PCDHGB7: variants seen among roughly 807,000 people sequenced by gnomAD.
PCDHGB7 encodes the protein protocadherin gamma subfamily B, 7.
A neutral mutation model predicts 61.4 loss-of-function variants in PCDHGB7; 37 were observed. That is an observed-to-expected ratio of 0.60 (90% CI 0.46 to 0.79). The LOEUF (loss-of-function observed/expected upper bound fraction) is 0.79. Among genes scored for constraint, PCDHGB7 ranks in the 30% least tolerant of loss-of-function variants. The pLI, the probability that PCDHGB7 is intolerant of heterozygous loss-of-function variation, is 0.00. For missense variants in PCDHGB7, 1,166 were observed against 1,202.5 expected, an observed-to-expected ratio of 0.97 and a Z score of 0.45; for synonymous variants, 464 against 503.5, an observed-to-expected ratio of 0.92 and a Z score of 1.05.
At position 141,512,161 on chromosome 5, in the gene PCDHGB7, G is replaced by A. The variant is rs1176664723; in HGVS notation, c.*988G>A. On this transcript the variant is annotated 3_prime_UTR_variant, in exon 4 of 4. Transcript: ENST00000398594. ...AGCCAGCTTTGGGCTGAGCTAACAGGACCAATGGATTAAACTGGCATTTCA... is the reference window on the plus strand; with the variant it reads ...AGCCAGCTTTGGGCTGAGCTAACAGAACCAATGGATTAAACTGGCATTTCA... The A allele has an allele frequency of 6.5e-6, 1 of 152,704 alleles. No homozygotes were observed. Among genetic ancestry groups the A allele is most frequent in the African/African-American group, 2.4e-5 (1 of 41,440 alleles). 9.5% of individuals were successfully genotyped at this position (152,704 alleles called of 1,614,324 possible). A position where few individuals can be genotyped will look rare whatever the true frequency, so the allele number is the denominator to read the frequency against.
rs753372015 is a variant in PCDHGB7 at position 141,422,180 on chromosome 5, T to C, written c.2415+1906T>C. The stretch of plus-strand genomic sequence containing the variant: ...TTTGAAAAATATAGATTCTATGAGA[T>C]GGAAATTCAAGGCCAAGATGGTGGA... On this transcript the variant is annotated intron_variant, in intron 1 of 3. Coordinates refer to ENST00000398594, the MANE Select transcript of PCDHGB7 (RefSeq NM_018927.4). 1.1e-5 allele frequency: 17 copies of C among 1,562,190 alleles called. No homozygotes were observed. In the African/African-American group the frequency reaches 1.9e-4, roughly 18 times the overall value.
At chr5:141,423,090 G>A in intron 1 of PCDHGB7, 2 of 1,614,022 alleles carry the variant, frequency 1.2e-6, no homozygotes, top group Non-Finnish European at 1.7e-6. Flanking sequence ...TCGCGGTGGG[G>A]GAGCACACGG....
rs776349562 is a variant in PCDHGB7 at position 141,491,131 on chromosome 5, G to T, written c.2416-3676G>T. The T allele has an allele frequency of 6.2e-7, 1 of 1,614,182 alleles. No individual in the cohort carries two copies. Among genetic ancestry groups the T allele is most frequent in the Non-Finnish European group, 8.5e-7 (1 of 1,180,008 alleles). On this transcript the variant is annotated intron_variant, in intron 1 of 3. Coordinates refer to ENST00000398594, the MANE Select transcript of PCDHGB7 (RefSeq NM_018927.4). This position sits in a 1 kb window ranked among gnomAD's most constrained non-coding sequence, Gnocchi z 6.9. ...TACACACACTGGTGAGGTGCGCACA[G>T]CCCGGGCCTTACTGGAGGATGACTC...
Position 141,490,457 on chromosome 5 carries a change from T to C in PCDHGB7, c.2416-4350T>C. 1 of 1,614,214 alleles carries C rather than the reference T, an allele frequency of 6.2e-7. No homozygotes were observed. Among genetic ancestry groups the C allele is most frequent in the Non-Finnish European group, 8.5e-7 (1 of 1,180,042 alleles). ...AAGCCTTCTGAGAACCACTACTCGC[T>C]GCTAACCAGCCAGCCTTTGGACCGG... On this transcript the variant is annotated intron_variant, in intron 1 of 3. Coordinates refer to ENST00000398594, the MANE Select transcript of PCDHGB7 (RefSeq NM_018927.4). The surrounding 1 kb of genome is among the most constrained non-coding windows in gnomAD (Gnocchi z 5.4).
rs143252334 is a variant in PCDHGB7 at position 141,431,395 on chromosome 5, T to A, written c.2415+11121T>A. On this transcript the variant is annotated intron_variant, in intron 1 of 3. Transcript: ENST00000398594. The surrounding 1 kb of genome is among the most constrained non-coding windows in gnomAD (Gnocchi z 4.8). ...AAAAGGCTGCTCACCACCTGGTCCT[T>A]ACGGCCTCCGACGGGGGCGACCCGG... 2 of 1,613,720 alleles carry A rather than the reference T, an allele frequency of 1.2e-6. No individual in the cohort carries two copies. Among genetic ancestry groups the A allele is most frequent in the African/African-American group, 2.7e-5 (2 of 74,950 alleles).
At position 141,494,820 on chromosome 5, in the gene PCDHGB7, A is replaced by G; in HGVS notation, c.2429A>G (p.Asn810Ser). ...TTTTCTCCACAGCAAGCCCCGCCCA[A>G]CACGGACTGGCGTTTCTCTCAGGCC... ...KKILKQQAPP[N>S]TDWRFSQAQR... Residue 810 changes from asparagine to serine, a missense_variant, in exon 2 of 4, where the codon AAC becomes AGC. By Grantham distance (46) the Asn-to-Ser change is conservative. Transcript: ENST00000398594. 1.2e-6 allele frequency: 2 copies of G among 1,613,988 alleles called. No individual in the cohort carries two copies. Among genetic ancestry groups the G allele is most frequent in the Middle Eastern group, 1.6e-4 (1 of 6,062 alleles).
chr5:141,504,561 T>G (rs1023434942), intron 2 of PCDHGB7, among the ~76,000 whole-genome samples: 1 of 150,052 alleles, frequency 6.7e-6, no homozygotes, highest in Non-Finnish European at 1.5e-5. Context: ...GGGACTGGCA[T>G]TCTAGGGAAC....
At chr5:141,498,669 C>T (rs774292307) in intron 2 of PCDHGB7, among the ~76,000 whole-genome samples, 29 of 152,156 alleles carry the variant, frequency 1.9e-4, no homozygotes, top group African/African-American at 6.0e-4. Flanking sequence ...TGGTGGCTCA[C>T]GCCTGTAATC....
rs751276470 is a variant in PCDHGB7, at chr5:141,431,560, C to A, written c.2415+11286C>A. 6.2e-7 allele frequency: 1 copy of A among 1,614,104 alleles called. No individual in the cohort carries two copies. On this transcript the variant is annotated intron_variant, in intron 1 of 3. Coordinates refer to ENST00000398594, the MANE Select transcript of PCDHGB7 (RefSeq NM_018927.4). This position sits in a 1 kb window ranked among gnomAD's most constrained non-coding sequence, Gnocchi z 4.8. ...CGCAGCTGCTTGTAGTCAACGCTAC[C>A]GACCCTGACGAAGGAGTCAATGCGG...
chr5:141,474,210 A>G (rs1054533367), intron 1 of PCDHGB7, among the ~76,000 whole-genome samples: 3 of 152,230 alleles, frequency 2.0e-5, no homozygotes, highest in Non-Finnish European at 4.4e-5. Context: ...ATTTTCAAAA[A>G]CCAGATTGTG....
At chr5:141,430,784 G>T in intron 1 of PCDHGB7, 1 of 1,512,418 alleles carries the variant, frequency 6.6e-7, no homozygotes, top group East Asian at 2.3e-5. Flanking sequence ...ACTGCACCGG[G>T]ACTACAAAGG....
chr5:141,472,542 G>GA (rs904556404), intron 1 of PCDHGB7, among the ~76,000 whole-genome samples: 21 of 147,124 alleles, frequency 1.4e-4, no homozygotes, highest in Admixed American at 7.4e-4. Flanking sequence ...ACCATCTCAA[G>GA]AAAAAAAAAA....
intron 1 of PCDHGB7, 166 bp downstream of exon 1, chr5:141,420,440 C>G (rs1298244162): frequency 9.3e-7 from 1 of 1,076,214 alleles, no homozygotes; most frequent in Non-Finnish European, 1.2e-6. Context: ...AATTAAATGC[C>G]TCAGTCTTCC....
intron 1 of PCDHGB7, chr5:141,478,456 T>A (rs371773090): frequency 3.1e-6 from 5 of 1,613,366 alleles, no homozygotes; most frequent in African/African-American, 2.7e-5. Context: ...GTGCAGCCAG[T>A]CCACTGGCCA....
chr5:141,460,783 T>G (rs1000959104), intron 1 of PCDHGB7, among the ~76,000 whole-genome samples: 1 of 152,030 alleles, frequency 6.6e-6, no homozygotes, highest in Non-Finnish European at 1.5e-5. Flanking sequence ...TGTATACATA[T>G]ATACACACAA....
intron 1 of PCDHGB7, chr5:141,426,833 G>T: frequency 2.2e-6 from 1 of 456,680 alleles, no homozygotes; most frequent in Non-Finnish European, 4.4e-6. Flanking sequence ...TGATGGACAA[G>T]ACTAAAGGCA....
intron 1 of PCDHGB7, among the ~76,000 whole-genome samples, chr5:141,473,831 A>G (rs950283433): frequency 1.3e-5 from 2 of 152,252 alleles, no homozygotes; most frequent in African/African-American, 4.8e-5. Context: ...GTGTGATCCA[A>G]TTAAAATTTT....
chr5:141,431,505 C>T lies in PCDHGB7; in HGVS notation c.2415+11231C>T. 1.2e-6 allele frequency: 2 copies of T among 1,614,018 alleles called. No individual in the cohort carries two copies. The highest frequency in any genetic ancestry group is 1.7e-6 in the Non-Finnish European group (2 of 1,180,028). On this transcript the variant is annotated intron_variant, in intron 1 of 3. Coordinates refer to ENST00000398594, the MANE Select transcript of PCDHGB7 (RefSeq NM_018927.4). This position sits in a 1 kb window ranked among gnomAD's most constrained non-coding sequence, Gnocchi z 4.8. ...GCGTTTGCTCAGCCCGAGTACCGCG[C>T]GAGCGTTCCGGAGAATCTGGCCTTG...
At position 141,476,001 on chromosome 5, in the gene PCDHGB7, C is replaced by G; in HGVS notation, c.2416-18806C>G. The G allele has an allele frequency of 8.1e-7, 1 of 1,235,348 alleles. No homozygotes were observed. Among genetic ancestry groups the G allele is most frequent in the Non-Finnish European group, 1.1e-6 (1 of 894,008 alleles). 76.5% of individuals were successfully genotyped at this position (1,235,348 alleles called of 1,614,324 possible). On this transcript the variant is annotated intron_variant, in intron 1 of 3. Transcript: ENST00000398594. The surrounding 1 kb of genome is among the most constrained non-coding windows in gnomAD (Gnocchi z 7.6). ...CAGCCGGCGAGCAAATCAACGGCATCCAGAAAGCCATGTCGGACTCGGCGC... is the reference window on the plus strand; with the variant it reads ...CAGCCGGCGAGCAAATCAACGGCATGCAGAAAGCCATGTCGGACTCGGCGC...
Sources: gnomAD v4.1 joint callset for allele counts (sites outside exome capture counted in the v4.1 genomes callset) on GRCh38, gnomAD v4.1.1 for gene constraint, Gnocchi (gnomAD v3.1) non-coding constraint, MANE v1.5 for transcripts, NCBI Gene and HGNC (gene_info 2026-07-23, HGNC 2026-07-21) for gene names.